The following MSH3 variants were observed in gnomAD, a reference collection of about 807,000 sequenced individuals.
MSH3 encodes DNA mismatch repair protein Msh3.
In MSH3, 106 loss-of-function variants were observed where a neutral mutation model predicts 123.3. That is an observed-to-expected ratio of 0.86 (90% CI 0.73 to 1.01). The LOEUF is 1.01. Ranked by LOEUF, MSH3 falls within the 50% of genes least tolerant of loss-of-function variation. The pLI, the probability that MSH3 is intolerant of heterozygous loss-of-function variation, is 0.00. For synonymous variants in MSH3, 515 were observed against 481.4 expected (o/e 1.07, Z -0.91); for missense variants, 1,459 against 1,347.6 (o/e 1.08, Z -1.29).
intron 12 of MSH3, among the ~76,000 whole-genome samples, chr5:80,749,021 T>C (rs1465475906): frequency 1.3e-5 from 2 of 152,208 alleles, no homozygotes; most frequent in Admixed American, 1.3e-4. Context: ...ACCTGTACTT[T>C]ACATTTTTTA....
At chr5:80,770,006 A>G (rs974702896) in intron 15 of MSH3, among the ~76,000 whole-genome samples, 3 of 152,156 alleles carry the variant, frequency 2.0e-5, no homozygotes, top group Non-Finnish European at 2.9e-5. Flanking sequence ...TATTATACTC[A>G]GCAGACATTC....
intron 8 of MSH3, among the ~76,000 whole-genome samples, chr5:80,723,094 A>AAAAAAAAT (rs1554070036): frequency 2.1e-5 from 3 of 144,428 alleles, no homozygotes; most frequent in Non-Finnish European, 3.0e-5. Context: ...ACTCTGTCTA[A>AAAAAAAAT]AAATAAATAA....
At chr5:80,769,314 A>G (rs1436028747) in intron 15 of MSH3, among the ~76,000 whole-genome samples, 2 of 152,042 alleles carry the variant, frequency 1.3e-5, no homozygotes, top group African/African-American at 2.4e-5. Flanking sequence ...AAATCCAGGA[A>G]AGAGAAGTTA....
chr5:80,659,092 GA>G (rs956550304), intron 2 of MSH3, among the ~76,000 whole-genome samples: 2 of 152,120 alleles, frequency 1.3e-5, no homozygotes, highest in African/African-American at 2.4e-5. Flanking sequence ...AAATTAGCCG[GA>G]TGTGGTGGCG....
chr5:80,730,892 ATAT>A (rs1350116362), intron 10 of MSH3, among the ~76,000 whole-genome samples: 26 of 105,492 alleles, frequency 2.5e-4, no homozygotes, highest in African/African-American at 7.9e-4. Context: ...ATATATATAT[ATAT>A]TTTTTTTTTT....
chr5:80,874,801 T>C (rs1195420611), intron 23 of MSH3, among the ~76,000 whole-genome samples: 1 of 152,234 alleles, frequency 6.6e-6, no homozygotes, highest in Non-Finnish European at 1.5e-5. Flanking sequence ...AGATTACTCA[T>C]AAATATTTTA....
At chr5:80,838,754 C>G (rs1224553913) in intron 20 of MSH3, among the ~76,000 whole-genome samples, 2 of 152,036 alleles carry the variant, frequency 1.3e-5, no homozygotes, top group Non-Finnish European at 2.9e-5. Flanking sequence ...ATCCGACTTG[C>G]CTAAGATCTC....
At chr5:80,773,924 C>T (rs574157653) in intron 15 of MSH3, among the ~76,000 whole-genome samples, 206 of 152,202 alleles carry the variant, frequency 1.4e-3, no homozygotes, top group African/African-American at 4.7e-3. Flanking sequence ...CCTGCCACCA[C>T]GCCTGGCTAA....
At chr5:80,792,930 C>T (rs1744634466) in intron 19 of MSH3, 86 bp downstream of exon 19, 1 of 895,354 alleles carries the variant, frequency 1.1e-6, no homozygotes, top group Non-Finnish European at 1.8e-6. Flanking sequence ...TTAAAAGTTA[C>T]CCAAATTTCA....
At chr5:80,813,471 A>G in intron 19 of MSH3, 113 bp from the exon 20 acceptor site, 1 of 1,113,450 alleles carries the variant, frequency 9.0e-7, no homozygotes, top group African/African-American at 1.6e-5. Flanking sequence ...CTTTTGTGAT[A>G]TTTATGCTAC....
At chr5:80,756,323 A>G (rs1020388241) in intron 12 of MSH3, among the ~76,000 whole-genome samples, 13 of 152,198 alleles carry the variant, frequency 8.5e-5, no homozygotes, top group African/African-American at 2.9e-4. Context: ...GCAAGATAAT[A>G]CCTGAAGAAA....
At chr5:80,776,933 T>C (rs1027592654) in intron 16 of MSH3, among the ~76,000 whole-genome samples, 98 of 140,842 alleles carry the variant, frequency 7.0e-4, no homozygotes, top group African/African-American at 2.4e-3. Flanking sequence ...TATATATTTT[T>C]TTTTTTTCTT....
At chr5:80,827,900 A>G (rs1745348170) in intron 20 of MSH3, among the ~76,000 whole-genome samples, 1 of 152,126 alleles carries the variant, frequency 6.6e-6, no homozygotes, top group Non-Finnish European at 1.5e-5. Context: ...TTTAAAAAAG[A>G]CTTTAATTTT....
chr5:80,697,244 G>A (rs982314391), intron 8 of MSH3, among the ~76,000 whole-genome samples: 4 of 152,146 alleles, frequency 2.6e-5, no homozygotes, highest in South Asian at 2.1e-4. Flanking sequence ...GTCAGAAATC[G>A]TGCAGAGTCT....
chr5:80,827,181 A>G (rs1332393034), intron 20 of MSH3, among the ~76,000 whole-genome samples: 3 of 152,258 alleles, frequency 2.0e-5, no homozygotes. Flanking sequence ...TGAAAAAAGC[A>G]AAACAATTGG....
chr5:80,761,775 A>T (rs1423253714), intron 13 of MSH3, 97 bp downstream of exon 13: 1 of 1,357,282 alleles, frequency 7.4e-7, no homozygotes, highest in African/African-American at 1.5e-5. Flanking sequence ...TTATTATTTT[A>T]TTTTGTAAAA....
intron 10 of MSH3, among the ~76,000 whole-genome samples, chr5:80,732,295 G>A (rs1410069223): frequency 6.6e-6 from 1 of 152,094 alleles, no homozygotes; most frequent in South Asian, 2.1e-4. Context: ...GATTGGAGTG[G>A]TCACAACTTC....
At chr5:80,804,453 C>T (rs1415517406) in intron 19 of MSH3, among the ~76,000 whole-genome samples, 1 of 152,248 alleles carries the variant, frequency 6.6e-6, no homozygotes, top group Non-Finnish European at 1.5e-5. Context: ...GTGTTCTGAT[C>T]TAAATCTGTG....
chr5:80,684,098 A>G (rs1411644300), intron 8 of MSH3, among the ~76,000 whole-genome samples: 1 of 152,160 alleles, frequency 6.6e-6, no homozygotes, highest in Admixed American at 6.5e-5. Flanking sequence ...TCTGTAGTAT[A>G]ATTTGAAGTC....
Sources: gnomAD v4.1 joint callset for allele counts (sites outside exome capture counted in the v4.1 genomes callset) on GRCh38, gnomAD v4.1.1 for gene constraint, MANE v1.5 for transcripts, NCBI Gene and HGNC (gene_info 2026-07-23, HGNC 2026-07-21) for gene names.